Variants in ACCSL observed in about 807,000 individuals in gnomAD.
ACCSL encodes probable inactive 1-aminocyclopropane-1-carboxylate synthase-like protein 2.
In ACCSL, 55 loss-of-function variants were observed where a neutral mutation model predicts 61.7. The ratio of observed to expected loss-of-function variants is 0.89; its 90% confidence interval spans 0.72 to 1.12. The LOEUF is 1.12. ACCSL is among the 50% of genes most tolerant of loss of function. The pLI, the probability that ACCSL is intolerant of heterozygous loss-of-function variation, is 0.00. For synonymous variants in ACCSL, 258 were observed against 264.3 expected, an observed-to-expected ratio of 0.98 and a Z score of 0.23; for missense variants, 632 against 698.0, an observed-to-expected ratio of 0.91 and a Z score of 1.07.
chr11:44,040,643 T>G, the ACCSL span, among the ~76,000 whole-genome samples: 9,075 of 152,118 alleles, frequency 0.06, 497 homozygotes, highest in African/African-American at 0.14. Context: ...GCTCAGTCAG[T>G]TTCTAGGCCA....
At chr11:43,976,182 A>G in the ACCSL span, among the ~76,000 whole-genome samples, 1 of 152,174 alleles carries the variant, frequency 6.6e-6, no homozygotes, top group Non-Finnish European at 1.5e-5. Flanking sequence ...TCTGAACTTA[A>G]AGCTGATGTT....
At chr11:44,009,296 G>T in the ACCSL span, among the ~76,000 whole-genome samples, 1 of 152,224 alleles carries the variant, frequency 6.6e-6, no homozygotes, top group Non-Finnish European at 1.5e-5. Flanking sequence ...TGCTAAAAAG[G>T]ATTTGTTGTG....
chr11:44,004,191 A>AG, the ACCSL span, among the ~76,000 whole-genome samples: 27 of 146,540 alleles, frequency 1.8e-4, no homozygotes, highest in Admixed American at 3.4e-4. Flanking sequence ...AGTGAGGTGA[A>AG]GGGGGGGGAT....
At chr11:44,052,513 C>T (rs1952645590) in intron 5 of ACCSL, 149 bp from the exon 6 acceptor site, 3 of 698,930 alleles carry the variant, frequency 4.3e-6, no homozygotes, top group Non-Finnish European at 7.6e-6. Flanking sequence ...ACTTTCATAG[C>T]ACCTGAACCT....
At chr11:44,050,163 G>T in intron 2 of ACCSL, 42 bp downstream of exon 2, 1 of 1,548,866 alleles carries the variant, frequency 6.5e-7, no homozygotes, top group South Asian at 1.1e-5. Context: ...CCCCTTCAAG[G>T]CTTAGTCCCC....
the ACCSL span, chr11:43,942,683 A>G: frequency 5.0e-6 from 1 of 200,424 alleles, no homozygotes; most frequent in Non-Finnish European, 1.0e-5. Context: ...GCGGCGGAAC[A>G]GCGCCCCCCG....
At chr11:43,988,162 A>G in the ACCSL span, among the ~76,000 whole-genome samples, 1 of 152,106 alleles carries the variant, frequency 6.6e-6, no homozygotes, top group African/African-American at 2.4e-5. Context: ...AGTTTACAAA[A>G]CTAATTCATA....
chr11:43,998,389 CTCCCATGT>C, the ACCSL span, among the ~76,000 whole-genome samples: 1 of 152,140 alleles, frequency 6.6e-6, no homozygotes, highest in Non-Finnish European at 1.5e-5. Context: ...TTTGTCTCTC[CTCCCATGT>C]CCCCATTTCA....
At chr11:44,039,182 T>A in the ACCSL span, among the ~76,000 whole-genome samples, 1 of 152,202 alleles carries the variant, frequency 6.6e-6, no homozygotes, top group Admixed American at 6.5e-5. Flanking sequence ...ATATGTGAGG[T>A]CCTGCCCTCT....
the ACCSL span, among the ~76,000 whole-genome samples, chr11:43,987,371 T>A: frequency 5.3e-5 from 8 of 152,258 alleles, no homozygotes; most frequent in South Asian, 1.0e-3. Context: ...GATGGAGGAA[T>A]TTCCAGACTC....
At chr11:43,950,263 T>C in the ACCSL span, among the ~76,000 whole-genome samples, 7 of 152,262 alleles carry the variant, frequency 4.6e-5, no homozygotes, top group African/African-American at 1.7e-4. Flanking sequence ...ACCTGTGCCC[T>C]GACCACCTTG....
At chr11:43,969,854 G>A in the ACCSL span, among the ~76,000 whole-genome samples, 1 of 151,866 alleles carries the variant, frequency 6.6e-6, no homozygotes, top group Admixed American at 6.6e-5. Context: ...CAGCCAGCCA[G>A]AAGCAACTGT....
intron 6 of ACCSL, 77 bp downstream of exon 6, chr11:44,052,836 G>C (rs1952648181): frequency 6.7e-7 from 1 of 1,502,430 alleles, no homozygotes; most frequent in Non-Finnish European, 9.3e-7. Context: ...GGGTAGAGGG[G>C]CTTGCTTTCT....
the ACCSL span, among the ~76,000 whole-genome samples, chr11:44,035,956 A>G: frequency 6.6e-6 from 1 of 151,650 alleles, no homozygotes; most frequent in Non-Finnish European, 1.5e-5. Flanking sequence ...AAAAAAAAAA[A>G]AAAAGAAAGA....
chr11:43,973,875 T>A, the ACCSL span: 1 of 152,206 alleles, frequency 6.6e-6, no homozygotes, highest in East Asian at 1.9e-4. Context: ...CATCTTAATC[T>A]TCCTCCTGTG....
intron 9 of ACCSL, 25 bp from the exon 10 acceptor site, chr11:44,056,011 CTTAG>C (rs1952668934): frequency 1.2e-6 from 2 of 1,613,582 alleles, no homozygotes; most frequent in Admixed American, 3.3e-5. Flanking sequence ...TCTCTATAAC[CTTAG>C]TTAATTTTTC....
chr11:43,986,706 C>G, the ACCSL span, among the ~76,000 whole-genome samples: 3 of 152,196 alleles, frequency 2.0e-5, no homozygotes, highest in African/African-American at 7.2e-5. Flanking sequence ...AGACCCAGCC[C>G]TTCTCTCCAC....
At chr11:44,000,012 A>G in the ACCSL span, among the ~76,000 whole-genome samples, 2 of 152,230 alleles carry the variant, frequency 1.3e-5, no homozygotes, top group African/African-American at 2.4e-5. Flanking sequence ...AGCACGGTGT[A>G]TCATGACTGT....
chr11:43,972,648 A>G, the ACCSL span, among the ~76,000 whole-genome samples: 10 of 152,218 alleles, frequency 6.6e-5, no homozygotes, highest in Non-Finnish European at 1.3e-4. Flanking sequence ...TAAACCCAGC[A>G]GATTAGGAGA....
Sources: gnomAD v4.1 joint callset for allele counts (sites outside exome capture counted in the v4.1 genomes callset) on GRCh38, gnomAD v4.1.1 for gene constraint, MANE v1.5 for transcripts, NCBI Gene and HGNC (gene_info 2026-07-23, HGNC 2026-07-21) for gene names.